Variants in ASB7 observed in about 807,000 individuals in gnomAD.
ASB7 encodes ankyrin repeat and SOCS box containing 7, also known as ankyrin repeat and SOCS box protein 7.
Under a neutral mutation model 32.5 loss-of-function variants are expected in ASB7, and 4 were observed. The ratio of observed to expected loss-of-function variants is 0.12; its 90% CI spans 0.06 to 0.28. ASB7 has a LOEUF of 0.28. Ranked by LOEUF, ASB7 falls within the 10% of genes least tolerant of loss-of-function variation. The pLI is 1.00. For synonymous variants in ASB7, 172 were observed against 155.6 expected, an observed-to-expected ratio of 1.11 and a Z score of -0.78; for missense variants, 181 against 407.1, an observed-to-expected ratio of 0.44 and a Z score of 4.78.
chr15:100,629,930 T>C lies in ASB7; in HGVS notation c.705T>C (p.Asn235=), dbSNP rs2039871176. The C allele has an allele frequency of 3.1e-6, 5 of 1,614,136 alleles. No homozygotes were observed. The highest frequency in any genetic ancestry group is 4.2e-6 in the Non-Finnish European group (5 of 1,180,024). ...TGCTGTGTGCACGGATGTTATATAA[T>C]TACGGAGCAGACACGAACACACGGA... ...DDVLCARMLY[N]YGADTNTRNY... is the part of the protein sequence containing the mutation. Residue 235 remains asparagine, a synonymous_variant, in exon 5 of 6, where the codon AAT becomes AAC. Coordinates refer to ENST00000332783, the MANE Select transcript of ASB7 (RefSeq NM_198243.3). The surrounding 1 kb of genome is among the most constrained non-coding windows in gnomAD (Gnocchi z 6.8).
intron 2 of ASB7, among the ~76,000 whole-genome samples, chr15:100,605,944 T>C (rs941400863): frequency 3.3e-5 from 5 of 152,244 alleles, no homozygotes; most frequent in African/African-American, 1.2e-4. Context: ...TTATGTTATA[T>C]GGAGGCCCAG....
intron 5 of ASB7, chr15:100,646,115 A>G (rs1293793923): frequency 1.8e-5 from 7 of 399,524 alleles, no homozygotes; most frequent in Non-Finnish European, 2.5e-5. Context: ...GGGCAGCAGC[A>G]TAGGGTTTTC....
intron 5 of ASB7, chr15:100,646,519 T>C (rs1023709066): frequency 2.7e-5 from 12 of 442,802 alleles, no homozygotes; most frequent in Admixed American, 8.8e-5. Flanking sequence ...TTTGTGGAAC[T>C]CATTTCTGCC....
At chr15:100,611,497 T>TTTTTTTTTTTTTTTTTTTTTA (rs2039695381) in intron 3 of ASB7, among the ~76,000 whole-genome samples, 2 of 141,536 alleles carry the variant, frequency 1.4e-5, no homozygotes, top group Non-Finnish European at 3.0e-5. Flanking sequence ...TTTTTTTTTT[T>TTTTTTTTTTTTTTTTTTTTTA]GAGACAGAAT....
chr15:100,605,099 T>G (rs949069293), intron 2 of ASB7, among the ~76,000 whole-genome samples: 7 of 152,258 alleles, frequency 4.6e-5, no homozygotes, highest in African/African-American at 1.7e-4. Flanking sequence ...CAGTTCATTC[T>G]CATTGCTTAA....
At chr15:100,623,891 G>T (rs1234680940) in intron 4 of ASB7, among the ~76,000 whole-genome samples, 1 of 152,210 alleles carries the variant, frequency 6.6e-6, no homozygotes, top group Admixed American at 6.5e-5. Flanking sequence ...ACCTGCACTT[G>T]TGTGTTTATT....
intron 2 of ASB7, among the ~76,000 whole-genome samples, chr15:100,604,723 A>G (rs2039625721): frequency 6.6e-6 from 1 of 152,224 alleles, no homozygotes; most frequent in Non-Finnish European, 1.5e-5. Flanking sequence ...AACTTAGGGC[A>G]GCTTTTGTAT....
At chr15:100,606,126 G>A (rs909993490) in intron 2 of ASB7, among the ~76,000 whole-genome samples, 16 of 152,086 alleles carry the variant, frequency 1.1e-4, no homozygotes, top group African/African-American at 3.4e-4. Flanking sequence ...GTTTTGGTAC[G>A]GCCGTGTAGT....
At chr15:100,604,479 A>C (rs1049320600) in intron 2 of ASB7, among the ~76,000 whole-genome samples, 2 of 152,202 alleles carry the variant, frequency 1.3e-5, no homozygotes, top group Non-Finnish European at 2.9e-5. Flanking sequence ...AAATAGCAGA[A>C]GTTAATATTT....
At chr15:100,607,938 A>C (rs2039660985) in intron 2 of ASB7, among the ~76,000 whole-genome samples, 2 of 152,310 alleles carry the variant, frequency 1.3e-5, no homozygotes, top group African/African-American at 4.8e-5. Context: ...CTCAGCTCTC[A>C]TGCCGTCTTC....
chr15:100,606,546 A>G (rs1258598598), intron 2 of ASB7, among the ~76,000 whole-genome samples: 1 of 152,242 alleles, frequency 6.6e-6, no homozygotes, highest in Admixed American at 6.5e-5. Flanking sequence ...CTGTTCTATC[A>G]TATAGACTTA....
At chr15:100,622,302 C>T (rs192654992) in intron 4 of ASB7, among the ~76,000 whole-genome samples, 11 of 152,058 alleles carry the variant, frequency 7.2e-5, no homozygotes, top group Admixed American at 2.0e-4. Flanking sequence ...TGAAACAAAT[C>T]GAAGAGGACA....
intron 2 of ASB7, among the ~76,000 whole-genome samples, chr15:100,606,235 C>T (rs568187174): frequency 7.4e-4 from 112 of 151,788 alleles, no homozygotes; most frequent in Non-Finnish European, 1.1e-3. Flanking sequence ...TTGCTGATTG[C>T]ATTTATTTTC....
At chr15:100,634,624 T>C (rs368158325) in intron 5 of ASB7, among the ~76,000 whole-genome samples, 3 of 152,208 alleles carry the variant, frequency 2.0e-5, no homozygotes, top group East Asian at 3.9e-4. Context: ...TCCAACATGG[T>C]GAAACCCCGT....
Position 100,648,634 on chromosome 15 carries a change from T to C in ASB7, c.*172T>C. On this transcript the variant is annotated 3_prime_UTR_variant, in exon 6 of 6. Transcript: ENST00000332783. ...TTGGTTTTCATTGTAGGGGAGGGATTTTTTATATATATATAAAAACACACA... is the reference window on the plus strand; with the variant it reads ...TTGGTTTTCATTGTAGGGGAGGGATCTTTTATATATATATAAAAACACACA... 1 of 504,456 alleles carries C rather than the reference T, an allele frequency of 2.0e-6. No homozygotes were observed. The highest frequency in any genetic ancestry group is 4.0e-5 in the Admixed American group (1 of 24,958). 31.2% of individuals were successfully genotyped at this position (504,456 alleles called of 1,614,324 possible).
At chr15:100,643,178 G>A (rs779720467) in intron 5 of ASB7, among the ~76,000 whole-genome samples, 3 of 152,194 alleles carry the variant, frequency 2.0e-5, no homozygotes, top group Non-Finnish European at 4.4e-5. Flanking sequence ...CGTCTTGGTG[G>A]AATGGTGGCT....
At chr15:100,614,598 G>C (rs2039725641) in intron 4 of ASB7, among the ~76,000 whole-genome samples, 1 of 151,946 alleles carries the variant, frequency 6.6e-6, no homozygotes, top group Admixed American at 6.6e-5. Flanking sequence ...AACCAATGGT[G>C]GGGGGAAAAA....
At chr15:100,616,320 C>A (rs2039742507) in intron 4 of ASB7, among the ~76,000 whole-genome samples, 1 of 151,680 alleles carries the variant, frequency 6.6e-6, no homozygotes, top group Non-Finnish European at 1.5e-5. Flanking sequence ...TTTTCACATT[C>A]TTGTTTTTGT....
intron 4 of ASB7, among the ~76,000 whole-genome samples, chr15:100,617,718 G>T (rs962002962): frequency 6.6e-6 from 1 of 152,124 alleles, no homozygotes; most frequent in Non-Finnish European, 1.5e-5. Flanking sequence ...TATCATAAGC[G>T]TAATGAATTG....
Sources: allele counts gnomAD v4.1 joint callset (sites outside exome capture counted in the v4.1 genomes callset), GRCh38; gene constraint gnomAD v4.1.1; non-coding constraint Gnocchi (gnomAD v3.1); transcripts MANE v1.5; gene names NCBI Gene and HGNC (gene_info 2026-07-23, HGNC 2026-07-21).